The following DSE variants were observed in gnomAD, a reference collection of about 807,000 sequenced individuals.
The protein encoded by DSE is dermatan-sulfate epimerase.
DSE carries 36 observed loss-of-function variants against 84.4 expected under a neutral mutation model. The observed-to-expected ratio is 0.43, with a 90% CI of 0.33 to 0.56. DSE has a LOEUF of 0.56. Among genes scored for constraint, DSE ranks in the 20% least tolerant of loss-of-function variants. The probability of loss-of-function intolerance (pLI) is 0.06; values close to 1 mark genes in which losing one functional copy is unlikely to be tolerated. For synonymous variants in DSE, 410 were observed against 430.1 expected, an observed-to-expected ratio of 0.95 and a Z score of 0.58; for missense variants, 862 against 1,169.6, an observed-to-expected ratio of 0.74 and a Z score of 3.84.
chr6:116,398,127 G>A (rs1188242289), intron 1 of DSE, among the ~76,000 whole-genome samples: 1 of 152,026 alleles, frequency 6.6e-6, no homozygotes, highest in East Asian at 1.9e-4. Flanking sequence ...TCTTTTTCTG[G>A]TCTGCTTTCT....
Position 116,440,441 on chromosome 6 carries a change from G to A in DSE, c.*3096G>A, listed in dbSNP as rs569746101. On this transcript the variant is annotated 3_prime_UTR_variant, in exon 6 of 6. Coordinates refer to ENST00000644252, the MANE Select transcript of DSE (RefSeq NM_013352.4). ...GCCTTCCAAAGTACTGGGATTAGAG[G>A]CATAGGTCATCATGCCCGGCCAAGT... The A allele has an allele frequency of 2.0e-5, 3 of 152,288 alleles. No homozygotes were observed. In the South Asian group the frequency reaches 6.2e-4, roughly 32 times the overall value. 9.4% of individuals were successfully genotyped at this position (152,288 alleles called of 1,614,324 possible).
upstream of DSE, chr6:116,366,210 C>G (rs1341342366): frequency 2.0e-5 from 3 of 152,226 alleles, no homozygotes; most frequent in African/African-American, 7.2e-5. Context: ...TAAGGTCACA[C>G]AGTTAGTGAC....
At chr6:116,316,551 A>G (rs1228239160) in intron 2 of DSE, among the ~76,000 whole-genome samples, 1 of 151,798 alleles carries the variant, frequency 6.6e-6, no homozygotes, top group Non-Finnish European at 1.5e-5. Context: ...CAATTAATGA[A>G]CCACATTATA....
chr6:116,370,622 G>A, upstream of DSE: 1 of 756,092 alleles, frequency 1.3e-6, no homozygotes, highest in Non-Finnish European at 1.6e-6. Flanking sequence ...CGAAGCGTTT[G>A]AGTCCTAAGA....
Position 116,371,126 on chromosome 6 carries a change from G to A in DSE, c.-54+5G>A. On this transcript the variant is annotated splice_donor_5th_base_variant and intron_variant, in intron 1 of 5. Transcript: ENST00000644252. ...ACGAAGCCTCGGCTGGGAGCGGTAAGTGGAGGGGCGCGCAAGGGACGAGCT... is the reference window on the plus strand; with the variant it reads ...ACGAAGCCTCGGCTGGGAGCGGTAAATGGAGGGGCGCGCAAGGGACGAGCT... The A allele has an allele frequency of 1.0e-6, 1 of 986,262 alleles. No individual in the cohort carries two copies. The highest frequency in any genetic ancestry group is 5.2e-4 in the Middle Eastern group (1 of 1,916). 61.1% of individuals were successfully genotyped at this position (986,262 alleles called of 1,614,324 possible).
At chr6:116,390,008 TTAGGGAAGGTA>T (rs1780797702) in intron 1 of DSE, among the ~76,000 whole-genome samples, 1 of 152,012 alleles carries the variant, frequency 6.6e-6, no homozygotes, top group Non-Finnish European at 1.5e-5. Flanking sequence ...TTATAGTTAT[TTAGGGAAGGTA>T]TAGATTTTCT....
chr6:116,409,401 C>A (rs536141081), intron 2 of DSE, among the ~76,000 whole-genome samples: 1 of 152,256 alleles, frequency 6.6e-6, no homozygotes, highest in African/African-American at 2.4e-5. Flanking sequence ...CTCAGCCTCC[C>A]GAGTAGGCTC....
intron 1 of DSE, among the ~76,000 whole-genome samples, chr6:116,371,661 T>TC (rs1212031374): frequency 3.3e-4 from 51 of 152,282 alleles, no homozygotes; most frequent in African/African-American, 1.2e-3. Context: ...CCCAAGCCTC[T>TC]CCCAGACGCT....
At chr6:116,359,933 A>AT (rs1490703685) in intron 2 of DSE, among the ~76,000 whole-genome samples, 3 of 152,224 alleles carry the variant, frequency 2.0e-5, no homozygotes, top group Admixed American at 6.5e-5. Flanking sequence ...CACAGTTCAT[A>AT]TGGCAACATT....
chr6:116,366,565 GAC>G (rs1779175906), upstream of DSE: 1 of 152,280 alleles, frequency 6.6e-6, no homozygotes, highest in African/African-American at 2.4e-5. Flanking sequence ...AGGTGTTTAG[GAC>G]ACCTTAGGTA....
chr6:116,427,596 C>A (rs893980603), intron 3 of DSE, among the ~76,000 whole-genome samples: 4 of 152,238 alleles, frequency 2.6e-5, no homozygotes, highest in African/African-American at 9.6e-5. Flanking sequence ...TCCCTTGTCA[C>A]ATCAACCAAC....
At chr6:116,380,216 G>C (rs1242360492) in intron 1 of DSE, among the ~76,000 whole-genome samples, 1 of 152,090 alleles carries the variant, frequency 6.6e-6, no homozygotes, top group East Asian at 1.9e-4. Context: ...AAAGGATTTA[G>C]TCATTGAGTA....
At chr6:116,319,876 A>G (rs1439445713) in intron 2 of DSE, among the ~76,000 whole-genome samples, 2 of 152,138 alleles carry the variant, frequency 1.3e-5, no homozygotes, top group African/African-American at 4.8e-5. Context: ...ACTTCTGTTC[A>G]GTCTACCCAC....
intron 2 of DSE, chr6:116,400,702 A>G (rs1232654071): frequency 6.6e-6 from 1 of 152,216 alleles, no homozygotes; most frequent in African/African-American, 2.4e-5. Context: ...TTTGAAGTTT[A>G]TAATATTGTA....
At chr6:116,424,532 A>C (rs1783306034) in intron 2 of DSE, among the ~76,000 whole-genome samples, 1 of 152,138 alleles carries the variant, frequency 6.6e-6, no homozygotes, top group East Asian at 1.9e-4. Context: ...GCTGACAGTG[A>C]GTTACAGGTT....
chr6:116,279,927 C>G, intron 2 of DSE: 1 of 1,553,398 alleles, frequency 6.4e-7, no homozygotes, highest in Non-Finnish European at 8.9e-7. Flanking sequence ...CCTACAGTCT[C>G]ACTAACATTT....
intron 2 of DSE, among the ~76,000 whole-genome samples, chr6:116,304,716 T>G (rs2114713916): frequency 6.6e-6 from 1 of 152,290 alleles, no homozygotes; most frequent in East Asian, 1.9e-4. Context: ...GAGGAGGAGC[T>G]GCCCTGGTTG....
intron 2 of DSE, among the ~76,000 whole-genome samples, chr6:116,289,619 C>A (rs1030758251): frequency 1.3e-5 from 2 of 151,816 alleles, no homozygotes; most frequent in Non-Finnish European, 2.9e-5. Flanking sequence ...AACAACTAGA[C>A]CTTCATGATA....
At chr6:116,422,894 G>T (rs900382237) in intron 2 of DSE, among the ~76,000 whole-genome samples, 1 of 152,066 alleles carries the variant, frequency 6.6e-6, no homozygotes, top group Non-Finnish European at 1.5e-5. Context: ...TAATAGTCTC[G>T]GAAGCCCCTC....
Sources: gnomAD v4.1 joint callset for allele counts (sites outside exome capture counted in the v4.1 genomes callset) on GRCh38, gnomAD v4.1.1 for gene constraint, MANE v1.5 for transcripts, NCBI Gene and HGNC (gene_info 2026-07-23, HGNC 2026-07-21) for gene names.